TSC22D2: variants seen among roughly 807,000 people sequenced by gnomAD.
TSC22D2 encodes the protein TSC22 domain family protein 2.
TSC22D2 carries 5 observed loss-of-function variants against 50.1 expected under a neutral mutation model. The ratio of observed to expected loss-of-function variants is 0.10; its 90% confidence interval spans 0.05 to 0.21. The LOEUF is 0.21. Ranked by LOEUF, TSC22D2 falls within the 10% of genes least tolerant of loss-of-function variation. The probability of loss-of-function intolerance (pLI) is 1.00; values close to 1 mark genes in which losing one functional copy is unlikely to be tolerated. For synonymous variants in TSC22D2, 501 were observed against 450.1 expected (o/e 1.11, Z -1.43); for missense variants, 1,003 against 1,015.5 (o/e 0.99, Z 0.17).
intron 1 of TSC22D2, among the ~76,000 whole-genome samples, chr3:150,451,945 G>C (rs1214791895): frequency 6.6e-6 from 1 of 152,052 alleles, no homozygotes; most frequent in Non-Finnish European, 1.5e-5. Flanking sequence ...TGAACCCTGA[G>C]CTCCTGGGCT....
At chr3:150,452,228 C>T (rs1721063260) in intron 1 of TSC22D2, among the ~76,000 whole-genome samples, 1 of 152,120 alleles carries the variant, frequency 6.6e-6, no homozygotes. Flanking sequence ...GGCAGATCAT[C>T]TGAGGTCGGG....
intron 1 of TSC22D2, among the ~76,000 whole-genome samples, chr3:150,442,195 T>A (rs1720739855): frequency 8.2e-6 from 1 of 121,978 alleles, no homozygotes; most frequent in Non-Finnish European, 1.9e-5. Context: ...CTCTACTAAT[T>A]CTTTCCTGAT....
intron 1 of TSC22D2, among the ~76,000 whole-genome samples, chr3:150,447,233 T>C (rs977322932): frequency 2.6e-5 from 4 of 152,204 alleles, no homozygotes; most frequent in Non-Finnish European, 5.9e-5. Context: ...GGCCATTAGA[T>C]GAAAAGAATA....
At chr3:150,429,715 C>G (rs186690645) in intron 1 of TSC22D2, among the ~76,000 whole-genome samples, 15 of 152,212 alleles carry the variant, frequency 9.9e-5, no homozygotes, top group Admixed American at 3.3e-4. Context: ...CTATGGTGTT[C>G]TGTAAAGCTA....
intron 1 of TSC22D2, among the ~76,000 whole-genome samples, chr3:150,420,186 C>A (rs1719958240): frequency 3.9e-5 from 6 of 152,180 alleles, no homozygotes. Flanking sequence ...GCCTTTCAAT[C>A]TTTACAGATG....
At chr3:150,419,851 T>C (rs1719945654) in intron 1 of TSC22D2, among the ~76,000 whole-genome samples, 1 of 152,222 alleles carries the variant, frequency 6.6e-6, no homozygotes, top group Non-Finnish European at 1.5e-5. Flanking sequence ...TTTAGGTGGC[T>C]GAAGTACAGT....
chr3:150,441,322 C>T (rs1720712118), intron 1 of TSC22D2, among the ~76,000 whole-genome samples: 1 of 152,076 alleles, frequency 6.6e-6, no homozygotes, highest in South Asian at 2.1e-4. Context: ...AAAGCTAATA[C>T]TGATATGTGA....
Position 150,458,545 on chromosome 3 carries a change from A to G in TSC22D2, c.2180A>G (p.Asn727Ser). ...TCCCAACTCCCAACCCAACAGGCCAATCCTGGTAGCACTTCTCAACAGCAA... is the reference window on the plus strand; with the variant it reads ...TCCCAACTCCCAACCCAACAGGCCAGTCCTGGTAGCACTTCTCAACAGCAA... ...QLSQLPTQQA[N>S]PGSTSQQQAV... Residue 727 changes from asparagine to serine, a missense_variant, in exon 3 of 3, where the codon AAT becomes AGT. Asn to Ser is a conservative substitution (Grantham distance 46). Transcript: ENST00000688009. 1 of 1,614,160 alleles carries G rather than the reference A, an allele frequency of 6.2e-7. No individual in the cohort carries two copies. The highest frequency in any genetic ancestry group is 8.5e-7 in the Non-Finnish European group (1 of 1,180,024).
In TSC22D2 at chr3:150,460,116, G is replaced by C. The variant is rs1721349759; in HGVS notation, c.*1480G>C. On this transcript the variant is annotated 3_prime_UTR_variant, in exon 3 of 3. Coordinates refer to ENST00000688009, the MANE Select transcript of TSC22D2 (RefSeq NM_001303264.2). ...TCTGAAATTAAACTGCAGTTTTGTT[G>C]AAATATTTGGCTCTATATGTGTTCA... The C allele has an allele frequency of 6.6e-6, 1 of 151,966 alleles. No homozygotes were observed. The highest frequency in any genetic ancestry group is 2.1e-4 in the South Asian group (1 of 4,826). The allele number at this position is 151,966 out of a possible 1,614,324, so 9.4% of individuals were successfully genotyped here. A position where few individuals can be genotyped will look rare whatever the true frequency, so the allele number is the denominator to read the frequency against.
At chr3:150,425,229 T>C (rs926238014) in intron 1 of TSC22D2, among the ~76,000 whole-genome samples, 2 of 152,156 alleles carry the variant, frequency 1.3e-5, no homozygotes, top group African/African-American at 4.8e-5. Context: ...ATTCTCCTAT[T>C]AAAGAGAGAC....
At chr3:150,451,072 G>T (rs138954130) in intron 1 of TSC22D2, among the ~76,000 whole-genome samples, 1 of 152,078 alleles carries the variant, frequency 6.6e-6, no homozygotes, top group Non-Finnish European at 1.5e-5. Context: ...GGGCAAGGGG[G>T]TGTGAGCATG....
chr3:150,434,318 T>A, intron 1 of TSC22D2, among the ~76,000 whole-genome samples: 1 of 151,994 alleles, frequency 6.6e-6, no homozygotes, highest in South Asian at 2.1e-4. Flanking sequence ...ATTTTTGTAT[T>A]TTTCATAAAG....
rs1038818244 is a variant in TSC22D2 at position 150,463,205 on chromosome 3, T to TA, written c.*4573dup. 4.6e-5 allele frequency: 7 copies of TA among 152,260 alleles called. No individual in the cohort carries two copies. The highest frequency in any genetic ancestry group is 1.5e-5 in the Non-Finnish European group (1 of 68,052). The allele number at this position is 152,260 out of a possible 1,614,324, so 9.4% of individuals were successfully genotyped here. The stretch of plus-strand genomic sequence containing the variant: ...GGATGTTGATTCCAAAGCCTTTCCC[T>TA]AAAATCTATTCCTTGCTCCCTGGAA... On this transcript the variant is annotated 3_prime_UTR_variant, in exon 3 of 3. Coordinates refer to ENST00000688009, the MANE Select transcript of TSC22D2 (RefSeq NM_001303264.2).
At chr3:150,451,048 GT>G (rs1257764340) in intron 1 of TSC22D2, among the ~76,000 whole-genome samples, 2 of 152,082 alleles carry the variant, frequency 1.3e-5, no homozygotes, top group African/African-American at 4.8e-5. Context: ...TGAAGAATCA[GT>G]TTTAGTTGGT....
chr3:150,440,947 G>A (rs1207825253), intron 1 of TSC22D2, among the ~76,000 whole-genome samples: 5 of 151,690 alleles, frequency 3.3e-5, no homozygotes, highest in African/African-American at 4.8e-5. Context: ...TGCAGAGCTA[G>A]TATAAACTGT....
rs11330414 is a variant in TSC22D2, at chr3:150,459,572, G to GTTTTTTTTTTT, written c.*939_*949dup. 6.1e-5 allele frequency: 7 copies of GTTTTTTTTTTT among 115,554 alleles called. No homozygotes were observed. Among genetic ancestry groups the GTTTTTTTTTTT allele is most frequent in the East Asian group, 2.7e-4 (1 of 3,656 alleles). 7.2% of individuals were successfully genotyped at this position (115,554 alleles called of 1,614,324 possible). ...TAATGGAGTTTGGTTTTTTTTTGTT[G>GTTTTTTTTTTT]TTTTTTTTTTTTTGTCTTTTTTTTT... is the stretch of plus-strand genomic sequence containing the variant. On this transcript the variant is annotated 3_prime_UTR_variant, in exon 3 of 3. Coordinates refer to ENST00000688009, the MANE Select transcript of TSC22D2 (RefSeq NM_001303264.2).
chr3:150,457,236 A>G (rs770201380), intron 2 of TSC22D2, 109 bp downstream of exon 2: 3 of 1,016,520 alleles, frequency 3.0e-6, no homozygotes, highest in Non-Finnish European at 4.4e-6. Flanking sequence ...AAAGATGACC[A>G]AATCATGTTT....
chr3:150,446,093 C>CAAAA (rs34550896), intron 1 of TSC22D2, among the ~76,000 whole-genome samples: 2 of 104,060 alleles, frequency 1.9e-5, no homozygotes, highest in Admixed American at 1.1e-4. Context: ...GACTCCATCT[C>CAAAA]AAAAAAAAAA....
chr3:150,448,806 C>T (rs1023215790), intron 1 of TSC22D2, among the ~76,000 whole-genome samples: 2 of 151,088 alleles, frequency 1.3e-5, no homozygotes, highest in African/African-American at 4.9e-5. Context: ...TAAAATGATC[C>T]CCCCAAAATA....
Sources: gnomAD v4.1 joint callset for allele counts (sites outside exome capture counted in the v4.1 genomes callset) on GRCh38, gnomAD v4.1.1 for gene constraint, MANE v1.5 for transcripts, NCBI Gene and HGNC (gene_info 2026-07-23, HGNC 2026-07-21) for gene names.